The following NANS variants were observed in gnomAD, a reference collection of about 807,000 sequenced individuals.
NANS encodes the protein N-acetylneuraminate-9-phosphate synthase.
NANS carries 29 observed loss-of-function variants against 33.3 expected under a neutral mutation model. That is an observed-to-expected ratio of 0.87 (90% CI 0.65 to 1.19). NANS has a LOEUF of 1.19. Among genes scored for constraint, NANS ranks in the 50% most tolerant of loss-of-function variants. The probability of loss-of-function intolerance (pLI) is 0.00; values close to 1 mark genes in which losing one functional copy is unlikely to be tolerated. For synonymous variants in NANS, 163 were observed against 177.2 expected, an observed-to-expected ratio of 0.92 and a Z score of 0.64; for missense variants, 394 against 461.1, an observed-to-expected ratio of 0.85 and a Z score of 1.33.
chr9:98,058,148 C>G (rs1409915070), intron 1 of NANS, among the ~76,000 whole-genome samples: 1 of 152,030 alleles, frequency 6.6e-6, no homozygotes, highest in Non-Finnish European at 1.5e-5. Context: ...AACTCCTGAG[C>G]TCAAGCAATC....
At chr9:98,077,823 G>A (rs916809802) in intron 3 of NANS, among the ~76,000 whole-genome samples, 12 of 152,152 alleles carry the variant, frequency 7.9e-5, no homozygotes, top group African/African-American at 2.7e-4. Context: ...GCTAGAAGTG[G>A]CAGCTCCACA....
chr9:98,082,700 T>C (rs1332273283), intron 5 of NANS, 146 bp from the exon 6 acceptor site: 6 of 647,772 alleles, frequency 9.3e-6, no homozygotes, highest in African/African-American at 3.7e-5. Context: ...ATGTATGAGA[T>C]ATTCTGAGCA....
chr9:98,057,543 A>T (rs1392162556), intron 1 of NANS, among the ~76,000 whole-genome samples: 1 of 152,192 alleles, frequency 6.6e-6, no homozygotes, highest in Non-Finnish European at 1.5e-5. Flanking sequence ...CCCCATTTGA[A>T]AACGGGGCTT....
At position 98,075,548 on chromosome 9, in the gene NANS, CAG is replaced by C. The variant is rs550780086; in HGVS notation, c.349-1367_349-1366del. On this transcript the variant is annotated intron_variant, in intron 2 of 5. Transcript: ENST00000210444. ...GTCGGTCCGTCGGTCCTAGACCAAT[CAG>C]AGTTTGCATTTCATTTCAGCAACTT... The C allele has an allele frequency of 1.6e-3, 244 of 152,208 alleles. 2 individuals are homozygous for C. The highest frequency in any genetic ancestry group is 5.6e-3 in the African/African-American group (234 of 41,534). 9.4% of individuals were successfully genotyped at this position (152,208 alleles called of 1,614,324 possible).
At chr9:98,077,479 G>A (rs1203169779) in intron 3 of NANS, among the ~76,000 whole-genome samples, 2 of 151,528 alleles carry the variant, frequency 1.3e-5, no homozygotes, top group Non-Finnish European at 2.9e-5. Flanking sequence ...CAAAGTGTTG[G>A]GATTACAGGT....
At chr9:98,058,896 T>TG (rs1394615286) in intron 1 of NANS, among the ~76,000 whole-genome samples, 2 of 152,230 alleles carry the variant, frequency 1.3e-5, no homozygotes, top group Non-Finnish European at 2.9e-5. Flanking sequence ...AGAGCTCTGT[T>TG]GCCCAAGGTC....
At chr9:98,067,691 A>G (rs180744859) in intron 2 of NANS, among the ~76,000 whole-genome samples, 23 of 151,952 alleles carry the variant, frequency 1.5e-4, no homozygotes, top group African/African-American at 2.2e-4. Context: ...ATTGTAAAAA[A>G]CTTTCCTAGT....
Position 98,056,862 on chromosome 9 carries a change from G to A in NANS, c.54G>A (p.Pro18=), listed in dbSNP as rs749808742. Residue 18 remains proline, a synonymous_variant, in exon 1 of 6, where the codon CCG becomes CCA. Coordinates refer to ENST00000210444, the MANE Select transcript of NANS (RefSeq NM_018946.4). ...GGCGCTGGGTGGGCGGGCAACACCCGTGCTTCATCATTGCCGAGATCGGCC... is the reference window on the plus strand; with the variant it reads ...GGCGCTGGGTGGGCGGGCAACACCCATGCTTCATCATTGCCGAGATCGGCC... ...CPGRWVGGQH[P]CFIIAEIGQN... is the part of the protein sequence containing the mutation. The A allele has an allele frequency of 6.2e-7, 1 of 1,612,218 alleles. No homozygotes were observed. The highest frequency in any genetic ancestry group is 1.1e-5 in the South Asian group (1 of 91,008).
chr9:98,078,061 G>A lies in NANS; in HGVS notation c.449-132G>A, dbSNP rs138187355. The A allele has an allele frequency of 3.9e-4, 523 of 1,346,948 alleles. 3 individuals are homozygous for A. The African/African-American group carries it at 4.8e-3, about 12-fold the overall frequency. The allele number at this position is 1,346,948 out of a possible 1,614,324, so 83.4% of individuals were successfully genotyped here. A position where few individuals can be genotyped will look rare whatever the true frequency, so the allele number is the denominator to read the frequency against. On this transcript the variant is annotated intron_variant, in intron 3 of 5. Transcript: ENST00000210444. ...ACAAGCTCCTCTCTGTTCCCCCACA[G>A]GGGCTGGCACAGTGTTTTAAGAGAT... is the stretch of plus-strand genomic sequence containing the variant.
At chr9:98,061,936 C>T (rs1482859653) in intron 2 of NANS, among the ~76,000 whole-genome samples, 1 of 151,614 alleles carries the variant, frequency 6.6e-6, no homozygotes, top group African/African-American at 2.4e-5. Flanking sequence ...GTCTGGGAAC[C>T]AGGGCCTGGG....
intron 2 of NANS, among the ~76,000 whole-genome samples, chr9:98,063,609 ATAGCTT>A (rs1564156699): frequency 6.6e-6 from 1 of 151,788 alleles, no homozygotes; most frequent in African/African-American, 2.4e-5. Context: ...CGATGCAATC[ATAGCTT>A]ACTGCAGTCT....
rs143911839 is a variant in NANS at position 98,078,198 on chromosome 9, C to T, written c.454C>T (p.Pro152Ser). 27 of 1,614,002 alleles carry T rather than the reference C, an allele frequency of 1.7e-5. 1 individual carries two copies. Among genetic ancestry groups the T allele is most frequent in the South Asian group, 4.4e-5 (4 of 91,088 alleles). ...GTTGGTGCTGGATTACTCAGGTCGC[C>T]CAATGGTGATCTCCAGTGGGATGCA... ...YLEKTAKKGR[P>S]MVISSGMQSM... Residue 152 changes from proline to serine, a missense_variant, in exon 4 of 6, where the codon CCA (proline) becomes TCA (serine). By Grantham distance (74) the Pro-to-Ser change is moderately conservative. Transcript: ENST00000210444.
At chr9:98,060,274 C>T (rs890975116) in intron 1 of NANS, among the ~76,000 whole-genome samples, 2 of 152,188 alleles carry the variant, frequency 1.3e-5, no homozygotes, top group African/African-American at 4.8e-5. Flanking sequence ...GGAGGTCTCC[C>T]ATCTCCAAAC....
intron 2 of NANS, among the ~76,000 whole-genome samples, chr9:98,066,355 A>G (rs1829147383): frequency 6.6e-6 from 1 of 152,136 alleles, no homozygotes; most frequent in Admixed American, 6.5e-5. Flanking sequence ...CATTCTCACA[A>G]GTATATAGTG....
chr9:98,067,211 G>A (rs373437309), intron 2 of NANS, among the ~76,000 whole-genome samples: 296 of 152,260 alleles, frequency 1.9e-3, no homozygotes, highest in African/African-American at 6.9e-3. Flanking sequence ...TAATGCTGCT[G>A]TGAGCTTTTA....
At chr9:98,074,589 G>A (rs1461834019) in intron 2 of NANS, 1 of 152,218 alleles carries the variant, frequency 6.6e-6, no homozygotes, top group African/African-American at 2.4e-5. Context: ...TCCCCAGGAG[G>A]CGGCAAAATG....
chr9:98,071,004 G>A (rs1180151673), intron 2 of NANS, among the ~76,000 whole-genome samples: 2 of 150,982 alleles, frequency 1.3e-5, no homozygotes, highest in Non-Finnish European at 3.0e-5. Flanking sequence ...GTAGAGATGG[G>A]GTCTCCCTAT....
chr9:98,076,916 A>T lies in NANS; in HGVS notation c.349-2A>T. The stretch of plus-strand genomic sequence containing the variant: ...AAGGAGCTCCCTCTTTGATTTTTGT[A>T]GATGGCAGTTGAATTCCTGCATGAA... On this transcript the variant is annotated splice_acceptor_variant, in intron 2 of 5. Transcript: ENST00000210444. LOFTEE classifies it high-confidence loss of function. 6.2e-7 allele frequency: 1 copy of T among 1,608,164 alleles called. No individual in the cohort carries two copies. Among genetic ancestry groups the T allele is most frequent in the Non-Finnish European group, 8.5e-7 (1 of 1,177,206 alleles).
rs753844033 is a variant in NANS at position 98,056,776 on chromosome 9, T to A, written c.-33T>A. The A allele has an allele frequency of 5.6e-6, 9 of 1,602,210 alleles. No homozygotes were observed. The highest frequency in any genetic ancestry group is 7.7e-6 in the Non-Finnish European group (9 of 1,175,724). ...GCGGCGGCGGCGGCCGGACCCAGACTGGTAGTGAGGCTTTGGACCCCGAGC... is the reference window on the plus strand; with the variant it reads ...GCGGCGGCGGCGGCCGGACCCAGACAGGTAGTGAGGCTTTGGACCCCGAGC... On this transcript the variant is annotated 5_prime_UTR_variant, in exon 1 of 6. Coordinates refer to ENST00000210444, the MANE Select transcript of NANS (RefSeq NM_018946.4).
Sources: gnomAD v4.1 joint callset for allele counts (sites outside exome capture counted in the v4.1 genomes callset) on GRCh38, gnomAD v4.1.1 for gene constraint, MANE v1.5 for transcripts, NCBI Gene and HGNC (gene_info 2026-07-23, HGNC 2026-07-21) for gene names.